B4GALNT3: variants seen among roughly 807,000 people sequenced by gnomAD.
B4GALNT3 encodes the protein beta-1,4-N-acetyl-galactosaminyltransferase 3.
Under a neutral mutation model 120.2 loss-of-function variants are expected in B4GALNT3, and 86 were observed. The ratio of observed to expected loss-of-function variants is 0.72; its 90% CI spans 0.60 to 0.86. The LOEUF (loss-of-function observed/expected upper bound fraction) is 0.86, where lower values mean the gene tolerates loss of function less well. B4GALNT3 is among the 40% of genes least tolerant of loss of function. The pLI, the probability that B4GALNT3 is intolerant of heterozygous loss-of-function variation, is 0.00. For missense variants in B4GALNT3, 1,167 were observed against 1,298.9 expected (o/e 0.90, Z 1.56); for synonymous variants, 518 against 510.4 (o/e 1.01, Z -0.20).
In B4GALNT3 at chr12:553,711, C is replaced by T. The variant is rs1350478209; in HGVS notation, c.1788C>T (p.Ala596=). ...GWHGEEEVVA[A]AGQEGQVEGE... is the part of the protein sequence containing the mutation. ...ATGGGGAGGAGGAAGTGGTGGCGGCCGCAGGCCAGGAAGGACAAGTGGAGG... is the reference window on the plus strand; with the variant it reads ...ATGGGGAGGAGGAAGTGGTGGCGGCTGCAGGCCAGGAAGGACAAGTGGAGG... Residue 596 remains alanine, a synonymous_variant, in exon 14 of 20, where the codon GCC becomes GCT. Transcript: ENST00000266383. 16 of 1,613,880 alleles carry T rather than the reference C, an allele frequency of 9.9e-6. 1 individual carries two copies. Among genetic ancestry groups the T allele is most frequent in the Admixed American group, 3.3e-5 (2 of 60,012 alleles).
At chr12:514,200 T>G (rs916603347) in intron 1 of B4GALNT3, among the ~76,000 whole-genome samples, 1 of 28,910 alleles carries the variant, frequency 3.5e-5, no homozygotes. Context: ...CCGTTTTTGT[T>G]TTTTTTTTTT....
intron 14 of B4GALNT3, among the ~76,000 whole-genome samples, chr12:555,071 G>A (rs1458921051): frequency 5.3e-5 from 8 of 151,848 alleles, no homozygotes; most frequent in African/African-American, 1.9e-4. Context: ...CCAGCTACTT[G>A]GGAGGCTGAA....
chr12:552,337 C>T (rs1349682872), intron 12 of B4GALNT3, 130 bp from the exon 13 acceptor site: 23 of 873,552 alleles, frequency 2.6e-5, no homozygotes, highest in Non-Finnish European at 4.0e-5. Flanking sequence ...ACACACACAC[C>T]CGCTCACCAG....
chr12:550,393 G>T lies in B4GALNT3; in HGVS notation c.997+481G>T, dbSNP rs1462257646. 6.6e-6 allele frequency among the ~76,000 whole-genome samples: 1 copy of T among 152,180 alleles called. No homozygotes were observed. The highest frequency in any genetic ancestry group is 1.5e-5 in the Non-Finnish European group (1 of 68,036). On this transcript the variant is annotated intron_variant, in intron 10 of 19. Transcript: ENST00000266383. This position sits in a 1 kb window ranked among gnomAD's most constrained non-coding sequence, Gnocchi z 4.1. ...CATCCTGGCACTTTGGGATGCTGAG[G>T]TGGGAGGATCGCTTGAGCCCAGGAG...
chr12:481,671 A>G (rs1281488810), intron 1 of B4GALNT3, among the ~76,000 whole-genome samples: 2 of 151,588 alleles, frequency 1.3e-5, no homozygotes, highest in Non-Finnish European at 2.9e-5. Context: ...AGACCTGGAG[A>G]CTCTTTGCCA....
At chr12:546,169 AAG>A (rs1315880043) in intron 6 of B4GALNT3, among the ~76,000 whole-genome samples, 2 of 126,324 alleles carry the variant, frequency 1.6e-5, no homozygotes, top group Non-Finnish European at 3.3e-5. Flanking sequence ...GGGAATGAGA[AAG>A]AGGGAGCAGT....
At position 551,111 on chromosome 12, in the gene B4GALNT3, C is replaced by T. The variant is rs893402295; in HGVS notation, c.1107+80C>T. 8 of 1,215,854 alleles carry T rather than the reference C, an allele frequency of 6.6e-6. No individual in the cohort carries two copies. The African/African-American group carries it at 1.2e-4, about 18-fold the overall frequency. 75.3% of individuals were successfully genotyped at this position (1,215,854 alleles called of 1,614,324 possible). On this transcript the variant is annotated intron_variant, in intron 11 of 19. Coordinates refer to ENST00000266383, the MANE Select transcript of B4GALNT3 (RefSeq NM_173593.4). ...GTGACTGGGATGGGAGGTGGTGAGG[C>T]TGACTTTCCCATCTTCCCAACATCC... is the stretch of plus-strand genomic sequence containing the variant.
chr12:510,226 G>T (rs1303522302), intron 1 of B4GALNT3, among the ~76,000 whole-genome samples: 1 of 152,320 alleles, frequency 6.6e-6, no homozygotes, highest in East Asian at 1.9e-4. Flanking sequence ...TGGTGCTGCT[G>T]TAGGGGTAAG....
intron 1 of B4GALNT3, among the ~76,000 whole-genome samples, chr12:464,043 T>C (rs1946052398): frequency 1.3e-5 from 2 of 152,218 alleles, no homozygotes; most frequent in African/African-American, 2.4e-5. Context: ...ACGAGTCCCC[T>C]TGTTGAGCCC....
At chr12:466,860 G>T (rs1365705915) in intron 1 of B4GALNT3, among the ~76,000 whole-genome samples, 4 of 151,996 alleles carry the variant, frequency 2.6e-5, no homozygotes, top group African/African-American at 9.7e-5. Flanking sequence ...AATCGTCCCT[G>T]TGGTTCCTCT....
intron 14 of B4GALNT3, among the ~76,000 whole-genome samples, chr12:554,932 C>A (rs1222923437): frequency 1.3e-5 from 2 of 151,860 alleles, no homozygotes; most frequent in Middle Eastern, 6.8e-3. Flanking sequence ...AATCCCAACA[C>A]TTTGGGAGAC....
intron 1 of B4GALNT3, among the ~76,000 whole-genome samples, chr12:500,375 C>T (rs11063291): frequency 0.15 from 22,227 of 152,160 alleles, 2,150 homozygotes; most frequent in Admixed American, 0.31. Flanking sequence ...CAAGTTTCAA[C>T]AGGAGGTTCA....
At chr12:511,519 ACCTTCCACCTTCCACCTTCTACCTT>A (rs1946560500) in intron 1 of B4GALNT3, among the ~76,000 whole-genome samples, 2 of 59,404 alleles carry the variant, frequency 3.4e-5, no homozygotes, top group Admixed American at 1.5e-4. Context: ...ACCTTCTTCC[ACCTTCCACCTTCCACCTTCTACCTT>A]CCTTCCACCT....
chr12:555,791 AT>A (rs34470902), intron 14 of B4GALNT3, among the ~76,000 whole-genome samples: 68 of 147,756 alleles, frequency 4.6e-4, no homozygotes, highest in East Asian at 3.7e-3. Context: ...ATTTTTATTT[AT>A]TTTTTTTTTT....
intron 1 of B4GALNT3, among the ~76,000 whole-genome samples, chr12:493,259 A>C (rs945073221): frequency 1.3e-5 from 2 of 152,362 alleles, no homozygotes; most frequent in Non-Finnish European, 1.5e-5. Context: ...TGGGCAAAGC[A>C]CCTGAACAGA....
chr12:512,451 C>G (rs1415942274), intron 1 of B4GALNT3, among the ~76,000 whole-genome samples: 2 of 147,464 alleles, frequency 1.4e-5, no homozygotes, highest in Admixed American at 1.4e-4. Flanking sequence ...TTCCTTCCAC[C>G]TTCCACCTTC....
Position 501,035 on chromosome 12 carries a change from G to A in B4GALNT3, c.170-34131G>A, listed in dbSNP as rs958759852. Among the ~76,000 whole-genome samples the A allele has an allele frequency of 6.4e-5, 9 of 141,364 alleles. No individual in the cohort carries two copies. The South Asian group carries it at 7.3e-4, about 11-fold the overall frequency. 92.7% of individuals were successfully genotyped at this position (141,364 alleles called of 152,430 possible). On this transcript the variant is annotated intron_variant, in intron 1 of 19. Transcript: ENST00000266383. ...ATTACAGGCTCACCCAGCCACTCCC[G>A]GCTAATTTTTGTACTTTTTGGTAGA... is the stretch of plus-strand genomic sequence containing the variant.
At chr12:555,797 T>A (rs1304676801) in intron 14 of B4GALNT3, among the ~76,000 whole-genome samples, 1 of 152,012 alleles carries the variant, frequency 6.6e-6, no homozygotes, top group African/African-American at 2.4e-5. Context: ...ATTTATTTTT[T>A]TTTTTGAGAC....
Position 561,412 on chromosome 12 carries a change from G to A in B4GALNT3, c.2958G>A (p.Lys986=), listed in dbSNP as rs146288977. 294 of 1,613,840 alleles carry A rather than the reference G, an allele frequency of 1.8e-4. 2 individuals are homozygous for A. The African/African-American group carries it at 3.4e-3, about 19-fold the overall frequency. Residue 986 remains lysine, a synonymous_variant, in exon 20 of 20, where the codon AAG becomes AAA. Coordinates refer to ENST00000266383, the MANE Select transcript of B4GALNT3 (RefSeq NM_173593.4). ...LRNFFHHFHS[K]RGMWSRRQMK... is the part of the protein sequence containing the mutation. ...ATTTCTTCCATCATTTCCATTCCAA[G>A]CGAGGCATGTGGAGCCGTCGCCAGA...
Sources: allele counts gnomAD v4.1 joint callset (sites outside exome capture counted in the v4.1 genomes callset), GRCh38; gene constraint gnomAD v4.1.1; non-coding constraint Gnocchi (gnomAD v3.1); transcripts MANE v1.5; gene names NCBI Gene and HGNC (gene_info 2026-07-23, HGNC 2026-07-21).